The following EMILIN2 variants were observed in gnomAD, a reference collection of about 807,000 sequenced individuals.
The protein encoded by EMILIN2 is EMILIN-2.
EMILIN2 carries 71 observed loss-of-function variants against 87.1 expected under a neutral mutation model. The observed-to-expected ratio is 0.82, with a 90% CI of 0.67 to 0.99. The LOEUF is 0.99. Ranked by LOEUF, EMILIN2 falls within the 50% of genes least tolerant of loss-of-function variation. The probability of loss-of-function intolerance (pLI) is 0.00; values close to 1 mark genes in which losing one functional copy is unlikely to be tolerated. For synonymous variants in EMILIN2, 581 were observed against 563.4 expected, an observed-to-expected ratio of 1.03 and a Z score of -0.44; for missense variants, 1,407 against 1,371.8, an observed-to-expected ratio of 1.03 and a Z score of -0.40.
rs377566733 is a variant in EMILIN2, at chr18:2,891,140, C to G, written c.1013C>G (p.Ala338Gly). The change falls in exon 4 of 8, where the codon GCT (alanine) becomes GGT (glycine). Residue 338 changes from alanine to glycine, a missense_variant. Coordinates refer to ENST00000254528, the MANE Select transcript of EMILIN2 (RefSeq NM_032048.3). The surrounding 1 kb of genome is among the most constrained non-coding windows in gnomAD (Gnocchi z 4.6). Reference sequence around the variant, plus strand: ...ATGGAGGGCATGGACAGAAAGCTGGCTGACCTGAAAAACTCATGTGAGTAC... The same window carrying G: ...ATGGAGGGCATGGACAGAAAGCTGGGTGACCTGAAAAACTCATGTGAGTAC... ...ELMEGMDRKL[A>G]DLKNSCEYKL... 3 of 1,614,060 alleles carry G rather than the reference C, an allele frequency of 1.9e-6. No homozygotes were observed. In the African/African-American group the frequency reaches 4.0e-5, roughly 22 times the overall value.
rs2076833139 is a variant in EMILIN2 at position 2,890,960 on chromosome 18, A to G, written c.833A>G (p.Asp278Gly). The G allele has an allele frequency of 6.2e-7, 1 of 1,614,062 alleles. No homozygotes were observed. Among genetic ancestry groups the G allele is most frequent in the South Asian group, 1.1e-5 (1 of 91,092 alleles). The change falls in exon 4 of 8, where the codon GAC (aspartate) becomes GGC (glycine). Residue 278 changes from aspartate (D) to glycine (G), a missense_variant. Asp to Gly is a moderately conservative substitution (Grantham distance 94). Transcript: ENST00000254528. The surrounding 1 kb of genome is among the most constrained non-coding windows in gnomAD (Gnocchi z 4.7). Reference sequence around the variant, plus strand: ...AAAGATACTCTAAAGAACAAAAGTGACAAGCTGGAAGAGCTGGATGGAAAA... The same window carrying G: ...AAAGATACTCTAAAGAACAAAAGTGGCAAGCTGGAAGAGCTGGATGGAAAA... ...EVKDTLKNKSDKLEELDGKVK... is the reference protein window; with the variant it reads ...EVKDTLKNKSGKLEELDGKVK...
At chr18:2,884,346 GA>G (rs2076792648) in intron 2 of EMILIN2, among the ~76,000 whole-genome samples, 3 of 152,164 alleles carry the variant, frequency 2.0e-5, no homozygotes, top group Admixed American at 1.3e-4. Context: ...CCGCCTTCTG[GA>G]TTCAAACAAT....
At chr18:2,873,040 T>A (rs2076727950) in intron 2 of EMILIN2, among the ~76,000 whole-genome samples, 1 of 146,828 alleles carries the variant, frequency 6.8e-6, no homozygotes, top group Non-Finnish European at 1.5e-5. Flanking sequence ...TAATGCAGAT[T>A]ATGTGATTTA....
At chr18:2,858,583 G>GTGTGTGTGTGTGTATATATATATA (rs1180735843) in intron 2 of EMILIN2, among the ~76,000 whole-genome samples, 1 of 63,064 alleles carries the variant, frequency 1.6e-5, no homozygotes, top group African/African-American at 9.4e-5. Context: ...GTGTGTGTGT[G>GTGTGTGTGTGTGTATATATATATA]TATATATATA....
At position 2,890,732 on chromosome 18, in the gene EMILIN2, A is replaced by C; in HGVS notation, c.605A>C (p.Gln202Pro). ...LRLTRTVLDL[Q>P]SSLAGVSENL... ...CTCACAAGGACGGTTCTTGACCTCC[A>C]GTCTTCCCTTGCTGGAGTGAGTGAA... The change falls in exon 4 of 8, where the codon CAG becomes CCG. Residue 202 changes from glutamine to proline, a missense_variant. Physicochemically the swap from Gln to Pro is moderately conservative, Grantham distance 76. Coordinates refer to ENST00000254528, the MANE Select transcript of EMILIN2 (RefSeq NM_032048.3). The surrounding 1 kb of genome is among the most constrained non-coding windows in gnomAD (Gnocchi z 4.7). 6.2e-7 allele frequency: 1 copy of C among 1,614,160 alleles called. No homozygotes were observed. Among genetic ancestry groups the C allele is most frequent in the East Asian group, 2.2e-5 (1 of 44,878 alleles).
chr18:2,902,974 G>A lies in EMILIN2; in HGVS notation c.2360-3809G>A, dbSNP rs1179430673. ...GGGGAGAAAATAAGGGCCAGTTTGG[G>A]TGGCCTGTGCTTTGCCATTTTAAGA... On this transcript the variant is annotated intron_variant, in intron 4 of 7. Coordinates refer to ENST00000254528, the MANE Select transcript of EMILIN2 (RefSeq NM_032048.3). Among the ~76,000 whole-genome samples, 3 of 152,186 alleles carry A rather than the reference G, an allele frequency of 2.0e-5. No homozygotes were observed. The East Asian group carries it at 5.8e-4, about 29-fold the overall frequency.
At chr18:2,888,920 A>G (rs1029107273) in intron 3 of EMILIN2, among the ~76,000 whole-genome samples, 1 of 152,130 alleles carries the variant, frequency 6.6e-6, no homozygotes, top group East Asian at 1.9e-4. Flanking sequence ...AAAAACAATG[A>G]TCGTTGAATT....
rs2076578085 is a variant in EMILIN2, at chr18:2,847,098, CGGCGCCCTGGCCGCCGGCAGCCT to C, written c.-90_-68del. The C allele has an allele frequency of 1.9e-6, 2 of 1,071,480 alleles. No individual in the cohort carries two copies. 66.4% of individuals were successfully genotyped at this position (1,071,480 alleles called of 1,614,324 possible). A position where few individuals can be genotyped will look rare whatever the true frequency, so the allele number is the denominator to read the frequency against. On this transcript the variant is annotated 5_prime_UTR_variant, in exon 1 of 8. Coordinates refer to ENST00000254528, the MANE Select transcript of EMILIN2 (RefSeq NM_032048.3). This position sits in a 1 kb window ranked among gnomAD's most constrained non-coding sequence, Gnocchi z 4.5. ...CGCCCGAGCCTCTTGCCTTCGCGGG[CGGCGCCCTGGCCGCCGGCAGCCT>C]TGTGGCCGGTGCCCCGATCCGCCGC...
At chr18:2,852,424 G>A (rs555354817) in intron 2 of EMILIN2, among the ~76,000 whole-genome samples, 26 of 152,302 alleles carry the variant, frequency 1.7e-4, no homozygotes, top group Admixed American at 3.3e-4. Flanking sequence ...TTGTCACAGG[G>A]GAATGGTGTT....
chr18:2,874,689 G>A (rs1171047013), intron 2 of EMILIN2, among the ~76,000 whole-genome samples: 1 of 152,258 alleles, frequency 6.6e-6, no homozygotes, highest in South Asian at 2.1e-4. Flanking sequence ...TTGAAACTAG[G>A]TTATAATGTT....
At chr18:2,868,791 AGGAGAGGGAGAG>A (rs775873942) in intron 2 of EMILIN2, among the ~76,000 whole-genome samples, 4 of 152,222 alleles carry the variant, frequency 2.6e-5, no homozygotes, top group African/African-American at 9.6e-5. Context: ...CCGTGGAAAG[AGGAGAGGGAGAG>A]GGAGAGGGAG....
intron 2 of EMILIN2, among the ~76,000 whole-genome samples, chr18:2,854,006 G>A (rs559126412): frequency 9.2e-5 from 14 of 152,234 alleles, no homozygotes; most frequent in African/African-American, 3.1e-4. Flanking sequence ...TTTTAGTATT[G>A]GGGGCTTTGG....
rs1426788519 is a variant in EMILIN2 at position 2,894,807 on chromosome 18, G to A, written c.2359+2321G>A. Among the ~76,000 whole-genome samples, 1 of 152,114 alleles carries A rather than the reference G, an allele frequency of 6.6e-6. No homozygotes were observed. Among genetic ancestry groups the A allele is most frequent in the African/African-American group, 2.4e-5 (1 of 41,420 alleles). On this transcript the variant is annotated intron_variant, in intron 4 of 7. Transcript: ENST00000254528. This position sits in a 1 kb window ranked among gnomAD's most constrained non-coding sequence, Gnocchi z 5.0. ...TCTAGCATCCAGGTCTAGGAGACCT[G>A]GAACCTGAGTATCAGAGGTGCATGG...
intron 3 of EMILIN2, among the ~76,000 whole-genome samples, chr18:2,886,824 C>G (rs897560790): frequency 6.6e-6 from 1 of 152,174 alleles, no homozygotes; most frequent in East Asian, 1.9e-4. Context: ...TTCTCTGGCT[C>G]TCTAAATGTC....
At chr18:2,871,545 A>G (rs1408603781) in intron 2 of EMILIN2, among the ~76,000 whole-genome samples, 1 of 152,184 alleles carries the variant, frequency 6.6e-6, no homozygotes. Context: ...GGGTGTGAGC[A>G]TTGGGCCTGG....
Position 2,891,573 on chromosome 18 carries a change from G to C in EMILIN2, c.1446G>C (p.Glu482Asp). The C allele has an allele frequency of 6.2e-7, 1 of 1,614,104 alleles. No individual in the cohort carries two copies. ...CCCTTCGGGGCGCCATTAATGGAGA[G>C]GTGGGTGACTTGAAGCAGCTTGTTG... ...EETLRGAING[E>D]VGDLKQLVDQ... Residue 482 changes from glutamate (E) to aspartate (D), a missense_variant, in exon 4 of 8, where the codon GAG becomes GAC. Coordinates refer to ENST00000254528, the MANE Select transcript of EMILIN2 (RefSeq NM_032048.3). This position sits in a 1 kb window ranked among gnomAD's most constrained non-coding sequence, Gnocchi z 4.6.
rs1027085197 is a variant in EMILIN2, at chr18:2,880,667, C to T, written c.258-4297C>T. On this transcript the variant is annotated intron_variant, in intron 2 of 7. Coordinates refer to ENST00000254528, the MANE Select transcript of EMILIN2 (RefSeq NM_032048.3). The surrounding 1 kb of genome is among the most constrained non-coding windows in gnomAD (Gnocchi z 4.1). ...CTGGCTGCGGGTCCCTCGGCTTGGC[C>T]ACCCCCACACTGCAGTTAGTTGACT... Among the ~76,000 whole-genome samples the T allele has an allele frequency of 6.6e-6, 1 of 152,220 alleles. No homozygotes were observed. The highest frequency in any genetic ancestry group is 6.5e-5 in the Admixed American group (1 of 15,288).
In EMILIN2 at chr18:2,907,104, C is replaced by T. The variant is rs1281847279; in HGVS notation, c.2662+19C>T. On this transcript the variant is annotated intron_variant, in intron 5 of 7. Coordinates refer to ENST00000254528, the MANE Select transcript of EMILIN2 (RefSeq NM_032048.3). ...GCACCAGGTGAGGCCCGGGGCTGCG[C>T]GGGGAGGAGCGCGGGGCTCTCCCGG... 2.3e-5 allele frequency: 28 copies of T among 1,232,786 alleles called. No individual in the cohort carries two copies. The highest frequency in any genetic ancestry group is 1.3e-4 in the East Asian group (4 of 31,506). The allele number at this position is 1,232,786 out of a possible 1,614,324, so 76.4% of individuals were successfully genotyped here.
At chr18:2,908,687 C>T (rs1318985007) in intron 5 of EMILIN2, among the ~76,000 whole-genome samples, 3 of 152,220 alleles carry the variant, frequency 2.0e-5, no homozygotes, top group Non-Finnish European at 4.4e-5. Flanking sequence ...CTCTTTCTTT[C>T]CTGCAGCCAG....
Sources: gnomAD v4.1 joint callset for allele counts (sites outside exome capture counted in the v4.1 genomes callset) on GRCh38, gnomAD v4.1.1 for gene constraint, Gnocchi (gnomAD v3.1) non-coding constraint, MANE v1.5 for transcripts, NCBI Gene and HGNC (gene_info 2026-07-23, HGNC 2026-07-21) for gene names.